ZNF704: variants seen among roughly 807,000 people sequenced by gnomAD.
ZNF704 encodes the protein zinc finger protein 704.
A neutral mutation model predicts 44.7 loss-of-function variants in ZNF704; 10 were observed. That is an observed-to-expected ratio of 0.22 (90% CI 0.14 to 0.38). The LOEUF (loss-of-function observed/expected upper bound fraction) is 0.38, where lower values mean the gene tolerates loss of function less well. ZNF704 is among the 10% of genes least tolerant of loss of function. The pLI is 1.00. For missense variants in ZNF704, 390 were observed against 545.5 expected, an observed-to-expected ratio of 0.71 and a Z score of 2.84; for synonymous variants, 211 against 207.6, an observed-to-expected ratio of 1.02 and a Z score of -0.14.
At chr8:80,875,757 T>G (rs1809348013), upstream of ZNF704, among the ~76,000 whole-genome samples, 1 of 152,224 alleles carries the variant, frequency 6.6e-6, no homozygotes, top group Admixed American at 6.5e-5. Flanking sequence ...TGTTGGACAT[T>G]TAACATCATA....
chr8:80,871,270 C>G (rs1809248183), intron 1 of ZNF704, among the ~76,000 whole-genome samples: 1 of 152,104 alleles, frequency 6.6e-6, no homozygotes, highest in Non-Finnish European at 1.5e-5. Flanking sequence ...TTTAAAGGGC[C>G]CACCAGGCTC....
In ZNF704 at chr8:80,630,636, T is replaced by C. The variant is rs993706888; in HGVS notation, c.*10730A>G. 1 of 152,178 alleles carries C rather than the reference T, an allele frequency of 6.6e-6. No individual in the cohort carries two copies. Among genetic ancestry groups the C allele is most frequent in the African/African-American group, 2.4e-5 (1 of 41,436 alleles). The allele number at this position is 152,178 out of a possible 1,614,324, so 9.4% of individuals were successfully genotyped here. A position where few individuals can be genotyped will look rare whatever the true frequency, so the allele number is the denominator to read the frequency against. On this transcript the variant is annotated 3_prime_UTR_variant, in exon 9 of 9. Coordinates refer to ENST00000327835, the MANE Select transcript of ZNF704 (RefSeq NM_001033723.3). ...TCTCCAGTCTTCTCATTTGAAAAAA[T>C]GACCGTAGGCCACTCGCAGTTGCAT...
chr8:80,876,068 G>A (rs150103562), upstream of ZNF704, among the ~76,000 whole-genome samples: 927 of 152,138 alleles, frequency 6.1e-3, 3 homozygotes, highest in Middle Eastern at 0.014. Context: ...CATTCCCAAA[G>A]CTCTTACAGC....
At chr8:80,759,379 A>T (rs1807090744) in intron 2 of ZNF704, among the ~76,000 whole-genome samples, 1 of 151,910 alleles carries the variant, frequency 6.6e-6, no homozygotes, top group African/African-American at 2.4e-5. Context: ...GGTGTGGCAA[A>T]CAGACTTTAA....
chr8:80,847,879 TA>T (rs1808792905), intron 1 of ZNF704, among the ~76,000 whole-genome samples: 1 of 152,234 alleles, frequency 6.6e-6, no homozygotes, highest in South Asian at 2.1e-4. Context: ...CATTTTCTTA[TA>T]AAACTAAACA....
intron 1 of ZNF704, among the ~76,000 whole-genome samples, chr8:80,869,540 G>A (rs1034512748): frequency 2.0e-5 from 3 of 152,174 alleles, no homozygotes; most frequent in Non-Finnish European, 1.5e-5. Context: ...ATGGAGGAAG[G>A]TTCCCAAAGG....
chr8:80,688,312 G>A (rs552180828), intron 3 of ZNF704, among the ~76,000 whole-genome samples: 1 of 152,302 alleles, frequency 6.6e-6, no homozygotes, highest in Non-Finnish European at 1.5e-5. Flanking sequence ...AATAATTTCT[G>A]GATAGTTATC....
chr8:80,875,334 C>T (rs1192344803), upstream of ZNF704, among the ~76,000 whole-genome samples: 3 of 151,884 alleles, frequency 2.0e-5, no homozygotes, highest in African/African-American at 4.8e-5. Flanking sequence ...GATGGAGTTT[C>T]GCTCTTGTTG....
chr8:80,734,894 T>C (rs886535230), intron 2 of ZNF704, among the ~76,000 whole-genome samples: 1 of 152,240 alleles, frequency 6.6e-6, no homozygotes, highest in African/African-American at 2.4e-5. Flanking sequence ...TTCCAATTAA[T>C]CAAGTTTCTT....
intron 2 of ZNF704, among the ~76,000 whole-genome samples, chr8:80,741,554 G>A (rs1004157286): frequency 6.6e-6 from 1 of 152,210 alleles, no homozygotes; most frequent in Non-Finnish European, 1.5e-5. Context: ...GATGTGAACA[G>A]CATACTCACT....
chr8:80,718,543 CAT>C (rs1180634935), intron 2 of ZNF704, among the ~76,000 whole-genome samples: 2 of 152,174 alleles, frequency 1.3e-5, no homozygotes, highest in East Asian at 1.9e-4. Flanking sequence ...TGGAGCATCA[CAT>C]GTTTCTGTTT....
chr8:80,766,479 TC>T (rs1355227766), intron 2 of ZNF704, among the ~76,000 whole-genome samples: 1 of 152,140 alleles, frequency 6.6e-6, no homozygotes, highest in African/African-American at 2.4e-5. Flanking sequence ...TACTATAAAC[TC>T]CCTTTGGGAT....
chr8:80,706,350 AGTT>A (rs1818898866), intron 2 of ZNF704, among the ~76,000 whole-genome samples: 1 of 152,094 alleles, frequency 6.6e-6, no homozygotes, highest in Admixed American at 6.5e-5. Flanking sequence ...TTTTTTCCCT[AGTT>A]TTTTTTTTAA....
chr8:80,647,164 C>A (rs977368849), intron 7 of ZNF704, among the ~76,000 whole-genome samples: 1 of 152,146 alleles, frequency 6.6e-6, no homozygotes, highest in Non-Finnish European at 1.5e-5. Flanking sequence ...AGAAGACAGA[C>A]AATAAATACG....
At chr8:80,850,535 C>T (rs1002978409) in intron 1 of ZNF704, among the ~76,000 whole-genome samples, 1 of 152,092 alleles carries the variant, frequency 6.6e-6, no homozygotes, top group African/African-American at 2.4e-5. Context: ...TCATCCCATC[C>T]TTTCACCCTC....
chr8:80,827,334 G>T (rs1159173761), intron 1 of ZNF704, among the ~76,000 whole-genome samples: 1 of 152,078 alleles, frequency 6.6e-6, no homozygotes, highest in Non-Finnish European at 1.5e-5. Flanking sequence ...ACTTCAAAGA[G>T]AATAAAATAT....
intron 1 of ZNF704, among the ~76,000 whole-genome samples, chr8:80,827,576 A>C (rs1368800808): frequency 6.6e-6 from 1 of 152,212 alleles, no homozygotes; most frequent in Non-Finnish European, 1.5e-5. Context: ...AACTACTTTA[A>C]AGTTCATATG....
intron 2 of ZNF704, among the ~76,000 whole-genome samples, chr8:80,770,214 A>G (rs1807297269): frequency 6.6e-6 from 1 of 152,124 alleles, no homozygotes; most frequent in Admixed American, 6.5e-5. Flanking sequence ...CTCTTGTAAA[A>G]CCACTGTCCA....
chr8:80,644,101 C>G lies in ZNF704; in HGVS notation c.1033-972G>C, dbSNP rs142196482. 2.6e-5 allele frequency among the ~76,000 whole-genome samples: 4 copies of G among 152,290 alleles called. No homozygotes were observed. In the East Asian group the frequency reaches 7.7e-4, roughly 29 times the overall value. Reference sequence around the variant, plus strand: ...TCACTATGTGCAGGTACACTCACAGCAGCTTTAGTCTTCACAACGACCCCA... The same window carrying G: ...TCACTATGTGCAGGTACACTCACAGGAGCTTTAGTCTTCACAACGACCCCA... On this transcript the variant is annotated intron_variant, in intron 7 of 8. Coordinates refer to ENST00000327835, the MANE Select transcript of ZNF704 (RefSeq NM_001033723.3).
Sources: allele counts gnomAD v4.1 joint callset (sites outside exome capture counted in the v4.1 genomes callset), GRCh38; gene constraint gnomAD v4.1.1; transcripts MANE v1.5; gene names NCBI Gene and HGNC (gene_info 2026-07-23, HGNC 2026-07-21).